The following SPEN variants were observed in gnomAD, a reference collection of about 807,000 sequenced individuals.
SPEN encodes msx2-interacting protein.
In SPEN, 18 loss-of-function variants were observed where a neutral mutation model predicts 269.9. The ratio of observed to expected loss-of-function variants is 0.07; its 90% CI spans 0.05 to 0.10. The LOEUF is 0.10. Among genes scored for constraint, SPEN ranks in the 10% least tolerant of loss-of-function variants. The pLI, the probability that SPEN is intolerant of heterozygous loss-of-function variation, is 1.00. For synonymous variants in SPEN, 1,726 were observed against 1,765.7 expected, an observed-to-expected ratio of 0.98 and a Z score of 0.56; for missense variants, 3,822 against 4,631.2, an observed-to-expected ratio of 0.83 and a Z score of 5.07.
chr1:15,929,511 C>G lies in SPEN; in HGVS notation c.3271C>G (p.Leu1091Val), dbSNP rs74054883. 6,367 of 1,613,416 alleles carry G rather than the reference C, an allele frequency of 3.9e-3. 194 individuals carry two copies. The African/African-American group carries it at 0.072, about 18-fold the overall frequency. ...AGACCTACAAGCAAGACTGGGAGAA[C>G]TAGCAGGTGAATCTGTGGAAAATCA... ...SSDLQARLGE[L>V]AGESVENQEV... Residue 1091 changes from leucine (L) to valine (V), a missense_variant, in exon 11 of 15, where the codon CTA (leucine) becomes GTA (valine). Leu to Val is a conservative substitution (Grantham distance 32). Transcript: ENST00000375759. This position sits in a 1 kb window ranked among gnomAD's most constrained non-coding sequence, Gnocchi z 5.8.
Position 15,934,464 on chromosome 1 carries a change from A to C in SPEN, c.8224A>C (p.Thr2742Pro). Reference protein sequence around the residue: ...VNATASAVTVTAGAVTAASGG... With the variant: ...VNATASAVTVPAGAVTAASGG... ...TGCCACAGCAAGTGCAGTGACCGTC[A>C]CAGCGGGTGCGGTTACTGCTGCATC... Residue 2742 changes from threonine to proline, a missense_variant, in exon 11 of 15, where the codon ACA (threonine) becomes CCA (proline). This residue lies in a region of SPEN where 329 missense variants were observed against 431.2 expected (regional missense o/e 0.76). Coordinates refer to ENST00000375759, the MANE Select transcript of SPEN (RefSeq NM_015001.3). This position sits in a 1 kb window ranked among gnomAD's most constrained non-coding sequence, Gnocchi z 9.2. 3 of 1,614,080 alleles carry C rather than the reference A, an allele frequency of 1.9e-6. No homozygotes were observed. Among genetic ancestry groups the C allele is most frequent in the Non-Finnish European group, 2.5e-6 (3 of 1,180,048 alleles).
chr1:15,865,468 G>A (rs920817658), intron 1 of SPEN, among the ~76,000 whole-genome samples: 1 of 147,506 alleles, frequency 6.8e-6, no homozygotes, highest in Non-Finnish European at 1.5e-5. Flanking sequence ...CTGTTGCCAG[G>A]CTGGAGTGCA....
intron 5 of SPEN, among the ~76,000 whole-genome samples, chr1:15,911,639 G>A (rs1326471431): frequency 1.3e-5 from 2 of 152,188 alleles, no homozygotes; most frequent in Admixed American, 6.5e-5. Context: ...CTAGGAGTGT[G>A]ACAACAGAAT....
intron 3 of SPEN, among the ~76,000 whole-genome samples, chr1:15,904,452 CAAAAAAAAAAA>C (rs1215369183): frequency 8.2e-5 from 4 of 48,666 alleles, no homozygotes; most frequent in South Asian, 1.2e-3. Flanking sequence ...AACTCCATCT[CAAAAAAAAAAA>C]AAAAAAAAAA....
intron 1 of SPEN, among the ~76,000 whole-genome samples, chr1:15,852,753 C>G (rs2070348381): frequency 6.6e-6 from 1 of 152,112 alleles, no homozygotes; most frequent in African/African-American, 2.4e-5. Context: ...GGAGGTTTTT[C>G]CAAATAGTCT....
chr1:15,911,424 T>G, intron 5 of SPEN, 123 bp downstream of exon 5: 1 of 723,676 alleles, frequency 1.4e-6, no homozygotes, highest in Non-Finnish European at 2.4e-6. Flanking sequence ...ATTGACATAT[T>G]TCCATTGTCT....
At chr1:15,857,140 G>T (rs2070395419) in intron 1 of SPEN, among the ~76,000 whole-genome samples, 1 of 151,318 alleles carries the variant, frequency 6.6e-6, no homozygotes, top group African/African-American at 2.4e-5. Context: ...ACTGCTTACT[G>T]TGTCCCTTCA....
intron 1 of SPEN, among the ~76,000 whole-genome samples, chr1:15,856,712 C>T (rs943354758): frequency 6.6e-6 from 1 of 151,706 alleles, no homozygotes; most frequent in African/African-American, 2.4e-5. Context: ...GAATTACAGG[C>T]GCCCACCACC....
chr1:15,848,236 G>T lies in SPEN; in HGVS notation c.83+86G>T. 2.0e-6 allele frequency: 2 copies of T among 1,009,320 alleles called. No homozygotes were observed. The highest frequency in any genetic ancestry group is 3.9e-5 in the South Asian group (2 of 51,168). The allele number at this position is 1,009,320 out of a possible 1,614,324, so 62.5% of individuals were successfully genotyped here. Reference sequence around the variant, plus strand: ...CGTTGCCGGCCCCTCCCGGAGCGCGGAGCTGGTGAGGAGGACTCCGGCCCG... The same window carrying T: ...CGTTGCCGGCCCCTCCCGGAGCGCGTAGCTGGTGAGGAGGACTCCGGCCCG... On this transcript the variant is annotated intron_variant, in intron 1 of 14. Transcript: ENST00000375759. This position sits in a 1 kb window ranked among gnomAD's most constrained non-coding sequence, Gnocchi z 5.1.
intron 1 of SPEN, among the ~76,000 whole-genome samples, chr1:15,855,990 C>CCT (rs370972899): frequency 0.42 from 11,740 of 28,120 alleles, 1,871 homozygotes; most frequent in Middle Eastern, 0.5. Flanking sequence ...GATGCTAGAA[C>CCT]TTTTTTTTTT....
chr1:15,862,390 C>T (rs1406231255), intron 1 of SPEN, among the ~76,000 whole-genome samples: 1 of 152,184 alleles, frequency 6.6e-6, no homozygotes, highest in Non-Finnish European at 1.5e-5. Context: ...CGAATGTTAG[C>T]TTAATGGTCA....
intron 3 of SPEN, among the ~76,000 whole-genome samples, chr1:15,880,288 T>C (rs947351697): frequency 2.0e-5 from 3 of 152,048 alleles, no homozygotes; most frequent in African/African-American, 7.2e-5. Flanking sequence ...TATAGAGCAT[T>C]TACTTAGGTT....
At position 15,939,191 on chromosome 1, in the gene SPEN, T is replaced by C. The variant is rs757047613; in HGVS notation, c.10864-105T>C. Reference sequence around the variant, plus strand: ...GGCACATTTGCTGGTTGGGGACTGATTTGGCCTGGCTCTTAGCATTGGGCC... The same window carrying C: ...GGCACATTTGCTGGTTGGGGACTGACTTGGCCTGGCTCTTAGCATTGGGCC... On this transcript the variant is annotated intron_variant, in intron 14 of 14. Transcript: ENST00000375759. The surrounding 1 kb of genome is among the most constrained non-coding windows in gnomAD (Gnocchi z 4.1). The C allele has an allele frequency of 2.3e-5, 33 of 1,437,290 alleles. No homozygotes were observed. Among genetic ancestry groups the C allele is most frequent in the Admixed American group, 1.3e-4 (5 of 39,836 alleles). 89.0% of individuals were successfully genotyped at this position (1,437,290 alleles called of 1,614,324 possible).
chr1:15,915,132 A>G (rs1192904484), intron 5 of SPEN, among the ~76,000 whole-genome samples: 1 of 152,184 alleles, frequency 6.6e-6, no homozygotes, highest in Non-Finnish European at 1.5e-5. Flanking sequence ...CTGCTACGTA[A>G]TTTTGGAAAC....
intron 3 of SPEN, among the ~76,000 whole-genome samples, chr1:15,903,276 T>C (rs533940532): frequency 2.7e-4 from 41 of 152,364 alleles, no homozygotes; most frequent in Non-Finnish European, 4.0e-4. Flanking sequence ...TTGCCTACTC[T>C]TATATTTCTT....
At chr1:15,898,794 C>T (rs2148722851) in intron 3 of SPEN, among the ~76,000 whole-genome samples, 1 of 152,216 alleles carries the variant, frequency 6.6e-6, no homozygotes, top group Non-Finnish European at 1.5e-5. Flanking sequence ...AATTCCTGAT[C>T]TCAGGTGATC....
intron 4 of SPEN, 135 bp from the exon 5 acceptor site, chr1:15,910,966 T>C (rs953133055): frequency 2.9e-6 from 2 of 692,136 alleles, no homozygotes; most frequent in Non-Finnish European, 2.4e-6. Flanking sequence ...CCTCAGACCT[T>C]GTTATGACAT....
chr1:15,937,781 G>A lies in SPEN; in HGVS notation c.10510-31G>A, dbSNP rs1218519739. 6.2e-7 allele frequency: 1 copy of A among 1,612,914 alleles called. No individual in the cohort carries two copies. The highest frequency in any genetic ancestry group is 8.5e-7 in the Non-Finnish European group (1 of 1,179,536). On this transcript the variant is annotated intron_variant, in intron 12 of 14. Transcript: ENST00000375759. The surrounding 1 kb of genome is among the most constrained non-coding windows in gnomAD (Gnocchi z 5.7). Reference sequence around the variant, plus strand: ...AGCATGGCTCAGCGAGGGGCCATGAGCTCACTTCCTGTTTGTTTCCCTGTG... The same window carrying A: ...AGCATGGCTCAGCGAGGGGCCATGAACTCACTTCCTGTTTGTTTCCCTGTG...
chr1:15,875,080 A>C (rs142983983), intron 2 of SPEN, among the ~76,000 whole-genome samples: 196 of 152,292 alleles, frequency 1.3e-3, no homozygotes, highest in African/African-American at 4.2e-3. Context: ...AGATGGGTTG[A>C]AGAGAAACTC....
Sources: gnomAD v4.1 joint callset for allele counts (sites outside exome capture counted in the v4.1 genomes callset) on GRCh38, gnomAD v4.1.1 for gene constraint, gnomAD v4.1.1 regional missense constraint, Gnocchi (gnomAD v3.1) non-coding constraint, MANE v1.5 for transcripts, NCBI Gene and HGNC (gene_info 2026-07-23, HGNC 2026-07-21) for gene names.